ANO4: variants seen among roughly 807,000 people sequenced by gnomAD.
ANO4 encodes anoctamin 4, also known as anoctamin-4.
Under a neutral mutation model 141.9 loss-of-function variants are expected in ANO4, and 69 were observed. The observed-to-expected ratio is 0.49, with a 90% CI of 0.40 to 0.59. The LOEUF (loss-of-function observed/expected upper bound fraction) is 0.59, where lower values mean the gene tolerates loss of function less well. ANO4 is among the 20% of genes least tolerant of loss of function. The pLI is 0.00. For missense variants in ANO4, 894 were observed against 1,162.2 expected (o/e 0.77, Z 3.36); for synonymous variants, 350 against 394.3 (o/e 0.89, Z 1.33).
chr12:100,906,346 G>C (rs1330535928), intron 2 of ANO4, among the ~76,000 whole-genome samples: 1 of 152,102 alleles, frequency 6.6e-6, no homozygotes, highest in African/African-American at 2.4e-5. Context: ...AATTCCCAGA[G>C]GGTTCAAAAA....
At chr12:100,898,503 G>GT (rs1253587435) in intron 1 of ANO4, among the ~76,000 whole-genome samples, 1 of 152,068 alleles carries the variant, frequency 6.6e-6, no homozygotes, top group Non-Finnish European at 1.5e-5. Context: ...AAATTTCCAT[G>GT]TAACATACCC....
chr12:100,979,828 C>T (rs992595885), intron 7 of ANO4, among the ~76,000 whole-genome samples: 13 of 151,364 alleles, frequency 8.6e-5, no homozygotes, highest in East Asian at 2.0e-4. Context: ...CCCGGGTTCA[C>T]GCCATTCTCC....
intron 3 of ANO4, among the ~76,000 whole-genome samples, chr12:100,928,502 C>T (rs975809185): frequency 1.3e-5 from 2 of 151,754 alleles, no homozygotes; most frequent in Admixed American, 6.6e-5. Flanking sequence ...GTTAAATATC[C>T]CAATCTAATA....
At chr12:101,032,541 T>C (rs2047016946) in intron 9 of ANO4, among the ~76,000 whole-genome samples, 1 of 152,178 alleles carries the variant, frequency 6.6e-6, no homozygotes, top group South Asian at 2.1e-4. Context: ...ACCCACAAAG[T>C]GGGAGAAAAT....
At chr12:100,872,650 A>C (rs1169612673) in intron 1 of ANO4, among the ~76,000 whole-genome samples, 1 of 152,226 alleles carries the variant, frequency 6.6e-6, no homozygotes. Flanking sequence ...GGAAAAAGCC[A>C]CACAAATGAC....
At chr12:100,819,037 A>G (rs1015578171) in intron 1 of ANO4, among the ~76,000 whole-genome samples, 1 of 97,890 alleles carries the variant, frequency 1.0e-5, no homozygotes, top group Non-Finnish European at 2.0e-5. Context: ...GTATGTGTGT[A>G]TATATATATG....
At chr12:100,898,061 T>C (rs2040426061) in intron 1 of ANO4, among the ~76,000 whole-genome samples, 1 of 152,238 alleles carries the variant, frequency 6.6e-6, no homozygotes, top group Non-Finnish European at 1.5e-5. Context: ...TTGTGTGACC[T>C]TGGTCAAGTA....
chr12:101,075,123 G>A (rs946928117), intron 14 of ANO4, among the ~76,000 whole-genome samples: 1 of 152,124 alleles, frequency 6.6e-6, no homozygotes, highest in Non-Finnish European at 1.5e-5. Flanking sequence ...CAGAACACAC[G>A]GGGCTAAACC....
chr12:100,790,579 T>C (rs1267624757), upstream of ANO4, among the ~76,000 whole-genome samples: 2 of 152,058 alleles, frequency 1.3e-5, no homozygotes, highest in Non-Finnish European at 2.9e-5. Flanking sequence ...TATTTTGGCT[T>C]CACCAGACTC....
chr12:101,052,988 T>G (rs781346159), intron 14 of ANO4, among the ~76,000 whole-genome samples: 3 of 152,224 alleles, frequency 2.0e-5, no homozygotes, highest in Non-Finnish European at 4.4e-5. Context: ...CCAGAGTCAT[T>G]CCAAAGTGTG....
At chr12:100,962,274 A>G (rs2043456723) in intron 5 of ANO4, among the ~76,000 whole-genome samples, 1 of 152,222 alleles carries the variant, frequency 6.6e-6, no homozygotes, top group East Asian at 1.9e-4. Context: ...TCATTTAGGA[A>G]GCATTCCTTC....
At chr12:100,744,333 A>T (rs1381329502) in intron 3 of ANO4, among the ~76,000 whole-genome samples, 1 of 152,170 alleles carries the variant, frequency 6.6e-6, no homozygotes, top group Non-Finnish European at 1.5e-5. Flanking sequence ...CTCACAGAAA[A>T]GAAAAAAAAG....
chr12:100,787,185 A>C (rs1476878977), intron 3 of ANO4, among the ~76,000 whole-genome samples: 1 of 152,030 alleles, frequency 6.6e-6, no homozygotes, highest in Non-Finnish European at 1.5e-5. Context: ...ATCGGTGCCA[A>C]AACTTGGAGA....
At position 101,037,123 on chromosome 12, in the gene ANO4, C is replaced by CT; in HGVS notation, c.871dup (p.Tyr291LeufsTer2). The CT allele has an allele frequency of 6.2e-7, 1 of 1,614,022 alleles. No individual in the cohort carries two copies. Among genetic ancestry groups the CT allele is most frequent in the Non-Finnish European group, 8.5e-7 (1 of 1,179,924 alleles). ...TGAATCGTTTGCTTACCAATGGCTC[C>CT]TATGAAGCTGCGTTTCCCCTGCATG... On this transcript the variant is annotated frameshift_variant, in exon 10 of 28. Transcript: ENST00000392977. LOFTEE classifies it high-confidence loss of function.
chr12:100,933,872 T>C lies in ANO4; in HGVS notation c.161-5443T>C, dbSNP rs577927356. Among the ~76,000 whole-genome samples the C allele has an allele frequency of 3.6e-3, 551 of 152,362 alleles. 4 individuals are homozygous for C. The highest frequency in any genetic ancestry group is 0.013 in the African/African-American group (520 of 41,590). On this transcript the variant is annotated intron_variant, in intron 3 of 27. Transcript: ENST00000392977. ...ACCAGTGATGATGAGCATTTTTTCA[T>C]GTGTCTGTTGGCTGCCTAGATGTCT...
intron 14 of ANO4, among the ~76,000 whole-genome samples, chr12:101,070,456 A>G (rs2048765460): frequency 6.6e-6 from 1 of 152,214 alleles, no homozygotes; most frequent in Non-Finnish European, 1.5e-5. Flanking sequence ...AAAGCTGGAT[A>G]TCCATATGCA....
chr12:100,892,747 TA>T (rs1418321711), intron 1 of ANO4, among the ~76,000 whole-genome samples: 1 of 152,228 alleles, frequency 6.6e-6, no homozygotes, highest in Non-Finnish European at 1.5e-5. Flanking sequence ...TACTGTATTT[TA>T]AAATTTATTT....
intron 3 of ANO4, among the ~76,000 whole-genome samples, chr12:100,742,732 G>A (rs962822180): frequency 4.6e-5 from 7 of 152,068 alleles, no homozygotes; most frequent in Admixed American, 1.3e-4. Context: ...ATGCTTAATA[G>A]CAGAACACTA....
chr12:100,759,983 C>A (rs938840870), intron 3 of ANO4, among the ~76,000 whole-genome samples: 40 of 152,202 alleles, frequency 2.6e-4, no homozygotes, highest in African/African-American at 9.4e-4. Flanking sequence ...ACACACATAC[C>A]CAGCACTCAC....
Sources: allele counts gnomAD v4.1 joint callset (sites outside exome capture counted in the v4.1 genomes callset), GRCh38; gene constraint gnomAD v4.1.1; transcripts MANE v1.5; gene names NCBI Gene and HGNC (gene_info 2026-07-23, HGNC 2026-07-21).